The following LYZL4 variants were observed in gnomAD, a reference collection of about 807,000 sequenced individuals.
LYZL4 encodes lysozyme like 4.
A neutral mutation model predicts 17.6 loss-of-function variants in LYZL4; 13 were observed. That is an observed-to-expected ratio of 0.74 (90% confidence interval 0.48 to 1.18). The LOEUF is 1.18. Among genes scored for constraint, LYZL4 ranks in the 50% most tolerant of loss-of-function variants. The probability of loss-of-function intolerance (pLI) is 0.00; values close to 1 mark genes in which losing one functional copy is unlikely to be tolerated. For missense variants in LYZL4, 174 were observed against 188.2 expected, an observed-to-expected ratio of 0.92 and a Z score of 0.44; for synonymous variants, 64 against 67.7, an observed-to-expected ratio of 0.95 and a Z score of 0.27.
intron 1 of LYZL4, among the ~76,000 whole-genome samples, chr3:42,408,432 C>T (rs547381197): frequency 2.0e-5 from 3 of 152,214 alleles, no homozygotes; most frequent in Non-Finnish European, 4.4e-5. Flanking sequence ...CCCTACCATG[C>T]CTTTCCCCAT....
chr3:42,382,334 G>C, the LYZL4 span, among the ~76,000 whole-genome samples: 2 of 152,186 alleles, frequency 1.3e-5, no homozygotes, highest in Non-Finnish European at 2.9e-5. Flanking sequence ...GTGTGTGTGT[G>C]CGTGTAGTCT....
intron 4 of LYZL4, among the ~76,000 whole-genome samples, chr3:42,403,610 T>C (rs981756806): frequency 1.3e-5 from 2 of 152,086 alleles, no homozygotes; most frequent in Non-Finnish European, 2.9e-5. Flanking sequence ...AATGTTGTGA[T>C]TGGTGAAGGT....
the LYZL4 span, among the ~76,000 whole-genome samples, chr3:42,382,278 A>T: frequency 6.6e-6 from 1 of 152,182 alleles, no homozygotes; most frequent in Non-Finnish European, 1.5e-5. Context: ...TAATCATAGA[A>T]TGTGCTAAAT....
chr3:42,396,562 C>T (rs1327217072), downstream of LYZL4, among the ~76,000 whole-genome samples: 6 of 152,258 alleles, frequency 3.9e-5, no homozygotes, highest in South Asian at 4.1e-4. Context: ...ATTATCATGG[C>T]ATTTTTGAAA....
At chr3:42,401,428 C>T (rs1698651360) in intron 4 of LYZL4, among the ~76,000 whole-genome samples, 1 of 151,982 alleles carries the variant, frequency 6.6e-6, no homozygotes, top group Non-Finnish European at 1.5e-5. Context: ...GTTGGCTAGG[C>T]TGGTCTTGAA....
At chr3:42,396,248 G>A (rs1189405811), downstream of LYZL4, among the ~76,000 whole-genome samples, 1 of 152,102 alleles carries the variant, frequency 6.6e-6, no homozygotes, top group East Asian at 1.9e-4. Flanking sequence ...CTTCCTGTAT[G>A]AGGACTGAAA....
the LYZL4 span, among the ~76,000 whole-genome samples, chr3:42,374,930 C>T: frequency 3.0e-4 from 46 of 152,196 alleles, no homozygotes; most frequent in East Asian, 7.7e-3. Context: ...CACCTCAGCT[C>T]CCCTGAGTGG....
the LYZL4 span, among the ~76,000 whole-genome samples, chr3:42,383,876 T>G: frequency 6.6e-6 from 1 of 152,100 alleles, no homozygotes; most frequent in South Asian, 2.1e-4. Context: ...ATTAAATGAA[T>G]GAATGAATGA....
chr3:42,376,395 G>A, the LYZL4 span, among the ~76,000 whole-genome samples: 69,690 of 151,930 alleles, frequency 0.46, 16,245 homozygotes, highest in African/African-American at 0.51. Context: ...CCAGTTCCTG[G>A]GTAGGAAGCC....
chr3:42,381,762 T>C, the LYZL4 span, among the ~76,000 whole-genome samples: 17 of 152,342 alleles, frequency 1.1e-4, no homozygotes, highest in African/African-American at 4.1e-4. Flanking sequence ...TATAAAATTC[T>C]ACAGAAATAA....
downstream of LYZL4, among the ~76,000 whole-genome samples, chr3:42,394,858 C>T (rs920278240): frequency 6.6e-6 from 1 of 152,184 alleles, no homozygotes; most frequent in Non-Finnish European, 1.5e-5. Context: ...GGATTTGGCA[C>T]TCGAGGAGAT....
the LYZL4 span, among the ~76,000 whole-genome samples, chr3:42,361,773 G>C: frequency 6.6e-6 from 1 of 151,926 alleles, no homozygotes; most frequent in African/African-American, 2.4e-5. Context: ...TTTAGAGCAG[G>C]GTTTAGGTTC....
At chr3:42,372,219 T>G in the LYZL4 span, among the ~76,000 whole-genome samples, 4 of 152,346 alleles carry the variant, frequency 2.6e-5, no homozygotes, top group African/African-American at 7.2e-5. Flanking sequence ...GAAAGACTTT[T>G]GGAACCAGAA....
chr3:42,371,698 C>G, the LYZL4 span, among the ~76,000 whole-genome samples: 1 of 152,170 alleles, frequency 6.6e-6, no homozygotes, highest in African/African-American at 2.4e-5. Flanking sequence ...CCACAATGGC[C>G]TATGCTTGCA....
chr3:42,407,496 C>T, intron 1 of LYZL4, 153 bp from the exon 2 acceptor site: 1 of 539,138 alleles, frequency 1.9e-6, no homozygotes. Context: ...CTCCTCTTGA[C>T]CTCCTATTTT....
chr3:42,397,897 C>A (rs1181406677), intron 4 of LYZL4, among the ~76,000 whole-genome samples: 3 of 152,158 alleles, frequency 2.0e-5, no homozygotes, highest in African/African-American at 7.2e-5. Flanking sequence ...AAAGTGATTC[C>A]CTTGTTCTGG....
chr3:42,388,119 T>C, the LYZL4 span, among the ~76,000 whole-genome samples: 1 of 152,176 alleles, frequency 6.6e-6, no homozygotes. Flanking sequence ...CCAGAGCTCA[T>C]TTGTGACAGT....
At chr3:42,404,011 C>T (rs1698705145) in intron 4 of LYZL4, 35 bp downstream of exon 4, 1 of 1,427,600 alleles carries the variant, frequency 7.0e-7, no homozygotes, top group Non-Finnish European at 9.9e-7. Context: ...GAGTGAAAGT[C>T]GTTAATACAG....
chr3:42,377,625 CTGTGTGTGTGTGTGTGTGTG>C, the LYZL4 span, among the ~76,000 whole-genome samples: 1 of 143,686 alleles, frequency 7.0e-6, no homozygotes, highest in Non-Finnish European at 1.5e-5. Context: ...GCATGACTCT[CTGTGTGTGTGTGTGTGTGTG>C]TGTGTGTGTG....
Sources: gnomAD v4.1 joint callset for allele counts (sites outside exome capture counted in the v4.1 genomes callset) on GRCh38, gnomAD v4.1.1 for gene constraint, MANE v1.5 for transcripts, NCBI Gene and HGNC (gene_info 2026-07-23, HGNC 2026-07-21) for gene names.